RALGAPA2: variants seen among roughly 807,000 people sequenced by gnomAD.
The protein encoded by RALGAPA2 is ral GTPase-activating protein subunit alpha-2.
In RALGAPA2, 139 loss-of-function variants were observed where a neutral mutation model predicts 230.4. The ratio of observed to expected loss-of-function variants is 0.60; its 90% CI spans 0.53 to 0.69. The LOEUF is 0.69. RALGAPA2 is among the 30% of genes least tolerant of loss of function. The pLI, the probability that RALGAPA2 is intolerant of heterozygous loss-of-function variation, is 0.00. For synonymous variants in RALGAPA2, 847 were observed against 837.8 expected (o/e 1.01, Z -0.19); for missense variants, 2,163 against 2,276.0 (o/e 0.95, Z 1.01).
At chr20:20,521,391 C>T (rs140832043) in intron 30 of RALGAPA2, among the ~76,000 whole-genome samples, 3 of 152,174 alleles carry the variant, frequency 2.0e-5, no homozygotes, top group African/African-American at 7.2e-5. Context: ...CCAAAGGCGG[C>T]ACAGGTAGAA....
intron 38 of RALGAPA2, 43 bp from the exon 39 acceptor site, chr20:20,396,777 A>AC (rs11426947): frequency 0.94 from 1,378,135 of 1,469,380 alleles, 655,874 homozygotes; most frequent in Non-Finnish European, 0.98. Context: ...CAAACACAAC[A>AC]CCCCCACAGC....
chr20:20,533,942 G>T (rs567215396), intron 26 of RALGAPA2, among the ~76,000 whole-genome samples: 1 of 152,162 alleles, frequency 6.6e-6, no homozygotes, highest in South Asian at 2.1e-4. Flanking sequence ...AGATTGTAAA[G>T]AAAGTAAAAG....
At chr20:20,669,296 A>G (rs570489081) in intron 3 of RALGAPA2, among the ~76,000 whole-genome samples, 2 of 152,364 alleles carry the variant, frequency 1.3e-5, no homozygotes, top group African/African-American at 4.8e-5. Context: ...AGAAAGCTTG[A>G]AACAGTATCT....
chr20:20,623,885 T>C (rs549775167), intron 10 of RALGAPA2, among the ~76,000 whole-genome samples: 44 of 152,336 alleles, frequency 2.9e-4, no homozygotes, highest in African/African-American at 9.1e-4. Flanking sequence ...CTATTTACCC[T>C]AAAGTCTCAA....
At chr20:20,638,207 C>A (rs752388221) in intron 7 of RALGAPA2, among the ~76,000 whole-genome samples, 1 of 152,218 alleles carries the variant, frequency 6.6e-6, no homozygotes, top group Non-Finnish European at 1.5e-5. Context: ...CAAGTGCAGT[C>A]ACCCCCAACA....
intron 1 of RALGAPA2, among the ~76,000 whole-genome samples, chr20:20,694,772 G>A (rs947341058): frequency 5.9e-5 from 9 of 152,134 alleles, no homozygotes; most frequent in Non-Finnish European, 1.2e-4. Context: ...GTGTGTAAGC[G>A]AGGCAGGTGC....
intron 1 of RALGAPA2, among the ~76,000 whole-genome samples, chr20:20,690,845 C>T (rs2068876909): frequency 6.6e-6 from 1 of 152,174 alleles, no homozygotes; most frequent in Non-Finnish European, 1.5e-5. Context: ...CACCATCTAC[C>T]TCCAACTACA....
chr20:20,495,290 TG>T lies in RALGAPA2; in HGVS notation c.5209-16del, dbSNP rs749335633. The T allele has an allele frequency of 7.3e-6, 11 of 1,510,410 alleles. No individual in the cohort carries two copies. Among genetic ancestry groups the T allele is most frequent in the Non-Finnish European group, 9.9e-6 (11 of 1,111,534 alleles). The allele number at this position is 1,510,410 out of a possible 1,614,324, so 93.6% of individuals were successfully genotyped here. On this transcript the variant is annotated splice_polypyrimidine_tract_variant and intron_variant, in intron 35 of 39. Coordinates refer to ENST00000202677, the MANE Select transcript of RALGAPA2 (RefSeq NM_020343.4). ...AAGTGACGAAGCTGCAACAGCAAATTGACTGTTTATTAATCAGGGTGATAAC... is the reference window on the plus strand; with the variant it reads ...AAGTGACGAAGCTGCAACAGCAAATTACTGTTTATTAATCAGGGTGATAAC...
chr20:20,512,567 A>T lies in RALGAPA2; in HGVS notation c.4802T>A (p.Phe1601Tyr). 6.2e-7 allele frequency: 1 copy of T among 1,613,122 alleles called. No individual in the cohort carries two copies. Among genetic ancestry groups the T allele is most frequent in the Non-Finnish European group, 8.5e-7 (1 of 1,179,636 alleles). Reference sequence around the variant, plus strand: ...ATCAAGCAATAACCTGCAGAAATAAAAGGGTCCTCGGGGCTCCACTGGGGA... The same window carrying T: ...ATCAAGCAATAACCTGCAGAAATAATAGGGTCCTCGGGGCTCCACTGGGGA... ...QPSPVEPRGPFYFCRLLLDDL... is the reference protein window; with the variant it reads ...QPSPVEPRGPYYFCRLLLDDL... Residue 1601 changes from phenylalanine (F) to tyrosine (Y), a missense_variant, in exon 32 of 40, where the codon TTT (phenylalanine) becomes TAT (tyrosine). Coordinates refer to ENST00000202677, the MANE Select transcript of RALGAPA2 (RefSeq NM_020343.4).
intron 37 of RALGAPA2, among the ~76,000 whole-genome samples, chr20:20,430,024 T>C (rs1488035732): frequency 1.3e-5 from 2 of 152,258 alleles, no homozygotes; most frequent in Admixed American, 6.5e-5. Flanking sequence ...TGAGTTCAGA[T>C]GCAGACTCCT....
At chr20:20,635,369 T>C in intron 9 of RALGAPA2, 49 bp downstream of exon 9, 2 of 1,507,242 alleles carry the variant, frequency 1.3e-6, no homozygotes, top group Non-Finnish European at 1.8e-6. Context: ...TGTTCCAGTG[T>C]ATTTTATTAC....
At chr20:20,671,270 G>T (rs1231107796) in intron 3 of RALGAPA2, among the ~76,000 whole-genome samples, 1 of 152,176 alleles carries the variant, frequency 6.6e-6, no homozygotes, top group Non-Finnish European at 1.5e-5. Flanking sequence ...GCAGACAGCA[G>T]CTCTCTTTAC....
At chr20:20,550,702 C>T (rs900578692) in intron 23 of RALGAPA2, among the ~76,000 whole-genome samples, 1 of 152,138 alleles carries the variant, frequency 6.6e-6, no homozygotes, top group Non-Finnish European at 1.5e-5. Flanking sequence ...TCATGTCATA[C>T]CCAGAGCTTC....
chr20:20,578,097 C>T (rs1274244444), intron 20 of RALGAPA2, among the ~76,000 whole-genome samples: 1 of 152,166 alleles, frequency 6.6e-6, no homozygotes, highest in Non-Finnish European at 1.5e-5. Flanking sequence ...AGGCAACATC[C>T]TCCATAAAAT....
chr20:20,622,849 A>G (rs2066363658), intron 10 of RALGAPA2, among the ~76,000 whole-genome samples: 1 of 152,224 alleles, frequency 6.6e-6, no homozygotes, highest in Admixed American at 6.5e-5. Context: ...CAAACCTTAC[A>G]GTGGTTCTGA....
In RALGAPA2 at chr20:20,392,882, C is replaced by T. The variant is rs1480244808; in HGVS notation, c.*407G>A. ...TGCAGAAGCAAGCTGCCCTCTGCCC[C>T]CTCCCTGAAAGCGCAGAATCTTTTC... On this transcript the variant is annotated 3_prime_UTR_variant, in exon 40 of 40. Coordinates refer to ENST00000202677, the MANE Select transcript of RALGAPA2 (RefSeq NM_020343.4). The T allele has an allele frequency of 9.6e-6, 3 of 311,370 alleles. No individual in the cohort carries two copies. Among genetic ancestry groups the T allele is most frequent in the Non-Finnish European group, 1.8e-5 (3 of 166,176 alleles). The allele number at this position is 311,370 out of a possible 1,614,324, so 19.3% of individuals were successfully genotyped here. A position where few individuals can be genotyped will look rare whatever the true frequency, so the allele number is the denominator to read the frequency against.
intron 1 of RALGAPA2, among the ~76,000 whole-genome samples, chr20:20,703,034 A>G (rs890445219): frequency 2.6e-5 from 4 of 152,074 alleles, no homozygotes; most frequent in African/African-American, 9.7e-5. Flanking sequence ...TTAGCCAGGC[A>G]TGGTGGCACA....
chr20:20,609,431 G>A (rs953397916), intron 14 of RALGAPA2, among the ~76,000 whole-genome samples: 1 of 152,132 alleles, frequency 6.6e-6, no homozygotes, highest in African/African-American at 2.4e-5. Context: ...CTGAGCTTCA[G>A]GGAAGTCAGG....
At chr20:20,609,035 A>T (rs1389355677) in intron 14 of RALGAPA2, among the ~76,000 whole-genome samples, 1 of 152,158 alleles carries the variant, frequency 6.6e-6, no homozygotes, top group Admixed American at 6.5e-5. Context: ...TGCTCTTTTG[A>T]CCAGGCTGCA....
Sources: gnomAD v4.1 joint callset for allele counts (sites outside exome capture counted in the v4.1 genomes callset) on GRCh38, gnomAD v4.1.1 for gene constraint, MANE v1.5 for transcripts, NCBI Gene and HGNC (gene_info 2026-07-23, HGNC 2026-07-21) for gene names.